Variants in TLN1 observed in about 807,000 individuals in gnomAD.
The protein encoded by TLN1 is talin 1.
A neutral mutation model predicts 292.3 loss-of-function variants in TLN1; 56 were observed. The ratio of observed to expected loss-of-function variants is 0.19; its 90% confidence interval spans 0.15 to 0.24. The LOEUF is 0.24. Ranked by LOEUF, TLN1 falls within the 10% of genes least tolerant of loss-of-function variation. The probability of loss-of-function intolerance (pLI) is 1.00; values close to 1 mark genes in which losing one functional copy is unlikely to be tolerated. For missense variants in TLN1, 2,433 were observed against 3,248.2 expected (o/e 0.75, Z 6.10); for synonymous variants, 1,119 against 1,253.7 (o/e 0.89, Z 2.27).
chr9:35,724,303 C>A lies in TLN1; in HGVS notation c.543G>T (p.Arg181Ser). 2 of 1,614,190 alleles carry A rather than the reference C, an allele frequency of 1.2e-6. No individual in the cohort carries two copies. Among genetic ancestry groups the A allele is most frequent in the East Asian group, 2.2e-5 (1 of 44,894 alleles). The change falls in exon 6 of 57, where the codon AGG becomes AGT. Residue 181 changes from arginine to serine, a missense_variant. Physicochemically the swap from Arg to Ser is moderately radical, Grantham distance 110 (BLOSUM62 -1). Transcript: ENST00000314888. This position sits in a 1 kb window ranked among gnomAD's most constrained non-coding sequence, Gnocchi z 4.7. The stretch of plus-strand genomic sequence containing the variant: ...TCTCGTGCTCCTCTACACCCTGCTC[C>A]CTCAGTGTCCGACCATGGTCCAGCC... Reference protein sequence around the residue: ...LNWLDHGRTLREQGVEEHETL... With the variant: ...LNWLDHGRTLSEQGVEEHETL...
At chr9:35,713,876 T>A in intron 25 of TLN1, 77 bp downstream of exon 25, 1 of 1,493,294 alleles carries the variant, frequency 6.7e-7, no homozygotes, top group African/African-American at 1.4e-5. Context: ...GAAGGAAAGG[T>A]TTTGAGCAGC....
chr9:35,725,527 A>C, intron 2 of TLN1, 38 bp downstream of exon 2: 2 of 1,604,102 alleles, frequency 1.2e-6, no homozygotes, highest in Middle Eastern at 1.9e-4. Context: ...GAAGGGACTG[A>C]AGACTCCCAC....
At chr9:35,716,190 TAAAAAAAA>T (rs11443679) in intron 20 of TLN1, among the ~76,000 whole-genome samples, 192 bp downstream of exon 20, 1 of 112,428 alleles carries the variant, frequency 8.9e-6, no homozygotes, top group Non-Finnish European at 1.8e-5. Flanking sequence ...ACCACATCTT[TAAAAAAAA>T]AAAAAAAAAA....
chr9:35,698,269 G>A lies in TLN1; in HGVS notation c.7371+54C>T, dbSNP rs996276477. ...TCATAGAAACATACATCTCGGGAGT[G>A]ACAGTTTGAAGCAGTATAGCCCAAG... On this transcript the variant is annotated intron_variant, in intron 55 of 56. Transcript: ENST00000314888. This position sits in a 1 kb window ranked among gnomAD's most constrained non-coding sequence, Gnocchi z 5.3. The A allele has an allele frequency of 1.9e-6, 3 of 1,608,668 alleles. No individual in the cohort carries two copies. The African/African-American group carries it at 4.0e-5, about 22-fold the overall frequency.
intron 48 of TLN1, among the ~76,000 whole-genome samples, chr9:35,701,249 GC>G (rs889570998): frequency 1.3e-5 from 2 of 152,174 alleles, no homozygotes; most frequent in African/African-American, 4.8e-5. Context: ...AGCAAGCAGA[GC>G]CATCACTAAT....
chr9:35,722,745 G>A (rs899732322), intron 8 of TLN1, 116 bp downstream of exon 8: 20 of 1,011,514 alleles, frequency 2.0e-5, no homozygotes, highest in South Asian at 5.5e-5. Context: ...ATAACAGCCC[G>A]GTGGGTGAAA....
rs772810412 is a variant in TLN1 at position 35,707,755 on chromosome 9, T to C, written c.4608A>G (p.Thr1536=). 8 of 1,614,038 alleles carry C rather than the reference T, an allele frequency of 5.0e-6. No individual in the cohort carries two copies. In the East Asian group the frequency reaches 1.8e-4, roughly 36 times the overall value. ...CCTTGATGGTCTTGACAAGATTAGCTGTGCTGTTGGCCACCTCCTTGGCTG... is the reference window on the plus strand; with the variant it reads ...CCTTGATGGTCTTGACAAGATTAGCCGTGCTGTTGGCCACCTCCTTGGCTG... ...VQSAKEVANS[T]ANLVKTIKAL... is the part of the protein sequence containing the mutation. Residue 1536 remains threonine (T), a synonymous_variant, in exon 35 of 57, where the codon ACA becomes ACG. Transcript: ENST00000314888. The surrounding 1 kb of genome is among the most constrained non-coding windows in gnomAD (Gnocchi z 5.6).
In TLN1 at chr9:35,698,960, A is replaced by G; in HGVS notation, c.7000-27T>C. ...TGCAATAAGCGAAGGTTGCAGAAAGAGATGTAAAGTCAGAGATGAAGGTGG... is the reference window on the plus strand; with the variant it reads ...TGCAATAAGCGAAGGTTGCAGAAAGGGATGTAAAGTCAGAGATGAAGGTGG... On this transcript the variant is annotated intron_variant, in intron 52 of 56. Coordinates refer to ENST00000314888, the MANE Select transcript of TLN1 (RefSeq NM_006289.4). This position sits in a 1 kb window ranked among gnomAD's most constrained non-coding sequence, Gnocchi z 5.3. The G allele has an allele frequency of 6.2e-7, 1 of 1,611,456 alleles. No homozygotes were observed.
chr9:35,699,291 C>T lies in TLN1; in HGVS notation c.6874+65G>A. ...AGAGGCTAGCACAGAGCTGTCCAGC[C>T]AGGAAGCAGAGATCACACCATGATA... is the stretch of plus-strand genomic sequence containing the variant. On this transcript the variant is annotated intron_variant, in intron 51 of 56. Coordinates refer to ENST00000314888, the MANE Select transcript of TLN1 (RefSeq NM_006289.4). The surrounding 1 kb of genome is among the most constrained non-coding windows in gnomAD (Gnocchi z 4.0). The T allele has an allele frequency of 6.4e-7, 1 of 1,568,694 alleles. No individual in the cohort carries two copies. Among genetic ancestry groups the T allele is most frequent in the Non-Finnish European group, 8.7e-7 (1 of 1,154,996 alleles).
rs1300974193 is a variant in TLN1 at position 35,712,918 on chromosome 9, C to T, written c.3478G>A (p.Asp1160Asn). Residue 1160 changes from aspartate (D) to asparagine (N), a missense_variant, in exon 27 of 57, where the codon GAC (aspartate) becomes AAC (asparagine). Coordinates refer to ENST00000314888, the MANE Select transcript of TLN1 (RefSeq NM_006289.4). ...TCCTCAATGAGGCTGCTGGCCTTGT[C>T]CAGCACATCACTGGCCGTATCAAGT... ...IVLDTASDVL[D>N]KASSLIEEAK... The T allele has an allele frequency of 6.2e-7, 1 of 1,607,730 alleles. No homozygotes were observed. Among genetic ancestry groups the T allele is most frequent in the East Asian group, 2.2e-5 (1 of 44,668 alleles).
Position 35,710,680 on chromosome 9 carries a change from G to C in TLN1, c.4207C>G (p.Leu1403Val). ...GAGATGCCAGTCATGGCCTCGCCCA[G>C]CACCTGAGGAACAGAGGACATCAGG... ...LDSVMENSKV[L>V]GEAMTGISQN... is the part of the protein sequence containing the mutation. Residue 1403 changes from leucine (L) to valine (V), a missense_variant, in exon 33 of 57, where the codon CTG becomes GTG. By Grantham distance (32) the Leu-to-Val change is conservative (BLOSUM62 1). Transcript: ENST00000314888. 6.2e-7 allele frequency: 1 copy of C among 1,614,156 alleles called. No homozygotes were observed. The highest frequency in any genetic ancestry group is 8.5e-7 in the Non-Finnish European group (1 of 1,180,016).
rs149633967 is a variant in TLN1, at chr9:35,720,072, G to A, written c.1431C>T (p.Ser477=). The A allele has an allele frequency of 2.6e-5, 42 of 1,600,246 alleles. No individual in the cohort carries two copies. Among genetic ancestry groups the A allele is most frequent in the South Asian group, 1.7e-4 (15 of 88,924 alleles). ...GCATGTGTCCTCGGTGCATCTGGCC[G>A]CTGGTAATCTGCTGCTGGGCAGGGG... ...SMPPAQQQIT[S]GQMHRGHMPP... Residue 477 remains serine, a synonymous_variant, in exon 13 of 57, where the codon AGC becomes AGT. Coordinates refer to ENST00000314888, the MANE Select transcript of TLN1 (RefSeq NM_006289.4).
Position 35,719,191 on chromosome 9 carries a change from C to T in TLN1, c.1779G>A (p.Leu593=). Residue 593 remains leucine (L), a synonymous_variant, in exon 16 of 57, where the codon CTG becomes CTA. Transcript: ENST00000314888. The surrounding 1 kb of genome is among the most constrained non-coding windows in gnomAD (Gnocchi z 4.6). ...NLTEMSRGVK[L]LAALLEDEGG... ...CTTCGTCCTCCAGCAAGGCAGCCAGCAGCTTCACCCCACGGGACATCTCCG... is the reference window on the plus strand; with the variant it reads ...CTTCGTCCTCCAGCAAGGCAGCCAGTAGCTTCACCCCACGGGACATCTCCG... 1.2e-6 allele frequency: 2 copies of T among 1,614,184 alleles called. No homozygotes were observed. Among genetic ancestry groups the T allele is most frequent in the East Asian group, 2.2e-5 (1 of 44,880 alleles).
intron 33 of TLN1, among the ~76,000 whole-genome samples, chr9:35,709,011 T>G (rs1825613016): frequency 6.6e-6 from 1 of 152,258 alleles, no homozygotes; most frequent in African/African-American, 2.4e-5. Flanking sequence ...AACATCCTAA[T>G]GTTTGATTCA....
At chr9:35,726,568 T>A (rs1471133494) in intron 1 of TLN1, among the ~76,000 whole-genome samples, 1 of 152,202 alleles carries the variant, frequency 6.6e-6, no homozygotes, top group East Asian at 1.9e-4. Context: ...TCCCTAAGGC[T>A]CTTGAAGCCT....
rs148529208 is a variant in TLN1, at chr9:35,706,738, C to G, written c.5088+30G>C. The G allele has an allele frequency of 6.2e-7, 1 of 1,608,694 alleles. No individual in the cohort carries two copies. Among genetic ancestry groups the G allele is most frequent in the African/African-American group, 1.3e-5 (1 of 74,810 alleles). On this transcript the variant is annotated intron_variant, in intron 38 of 56. Coordinates refer to ENST00000314888, the MANE Select transcript of TLN1 (RefSeq NM_006289.4). This position sits in a 1 kb window ranked among gnomAD's most constrained non-coding sequence, Gnocchi z 4.2. ...AGTCTGATATTTCTCTTCCTAGACA[C>G]ATCTTTCCATATAACCCTCTCCCTC...
rs1825865394 is a variant in TLN1 at position 35,720,672 on chromosome 9, C to T, written c.1206+140G>A. On this transcript the variant is annotated intron_variant, in intron 11 of 56. Coordinates refer to ENST00000314888, the MANE Select transcript of TLN1 (RefSeq NM_006289.4). The stretch of plus-strand genomic sequence containing the variant: ...ACAAGAAAGGGCTCTGTCACCCAGG[C>T]TGGAGTGCAGAGGCAAGATCTCGGC... The T allele has an allele frequency of 3.0e-6, 3 of 999,004 alleles. No homozygotes were observed. The East Asian group carries it at 7.3e-5, about 24-fold the overall frequency. The allele number at this position is 999,004 out of a possible 1,614,324, so 61.9% of individuals were successfully genotyped here. A position where few individuals can be genotyped will look rare whatever the true frequency, so the allele number is the denominator to read the frequency against.
chr9:35,703,446 G>T, intron 48 of TLN1, 114 bp downstream of exon 48: 1 of 1,024,892 alleles, frequency 9.8e-7, no homozygotes, highest in South Asian at 1.3e-5. Flanking sequence ...GGCGATAGAT[G>T]AGAGAGAAGA....
At position 35,697,927 on chromosome 9, in the gene TLN1, A is replaced by T; in HGVS notation, c.7501-11T>A. 6.2e-7 allele frequency: 1 copy of T among 1,614,052 alleles called. No individual in the cohort carries two copies. Among genetic ancestry groups the T allele is most frequent in the African/African-American group, 1.3e-5 (1 of 74,986 alleles). ...CTGTGCTGCGATGATCTGAGGGTGG[A>T]GATCGGGGACTTAGTTCAGTGAGGA... On this transcript the variant is annotated splice_polypyrimidine_tract_variant and intron_variant, in intron 56 of 56. Transcript: ENST00000314888.
Sources: gnomAD v4.1 joint callset for allele counts (sites outside exome capture counted in the v4.1 genomes callset) on GRCh38, gnomAD v4.1.1 for gene constraint, Gnocchi (gnomAD v3.1) non-coding constraint, MANE v1.5 for transcripts, NCBI Gene and HGNC (gene_info 2026-07-23, HGNC 2026-07-21) for gene names.